Variants in NALF1 observed in about 807,000 individuals in gnomAD.
NALF1 encodes the protein family with sequence similarity 155 member A.
NALF1 carries 3 observed loss-of-function variants against 48.4 expected under a neutral mutation model. The observed-to-expected ratio is 0.06, with a 90% CI of 0.03 to 0.16. NALF1 has a LOEUF of 0.16. NALF1 is among the 10% of genes least tolerant of loss of function. The probability of loss-of-function intolerance (pLI) is 1.00; values close to 1 mark genes in which losing one functional copy is unlikely to be tolerated. For missense variants in NALF1, 526 were observed against 571.5 expected (o/e 0.92, Z 0.81); for synonymous variants, 262 against 245.7 (o/e 1.07, Z -0.62).
chr13:107,486,713 T>C (rs1454846123), intron 1 of NALF1, among the ~76,000 whole-genome samples: 1 of 152,176 alleles, frequency 6.6e-6, no homozygotes, highest in Non-Finnish European at 1.5e-5. Context: ...CAATCTCATT[T>C]TTCCTGAGAA....
At chr13:107,595,252 T>C (rs1270093902) in intron 1 of NALF1, among the ~76,000 whole-genome samples, 2 of 152,144 alleles carry the variant, frequency 1.3e-5, no homozygotes, top group Non-Finnish European at 2.9e-5. Flanking sequence ...TCTAATTAAT[T>C]GGAGTCTATC....
chr13:107,258,856 A>G (rs1229432487), intron 1 of NALF1, among the ~76,000 whole-genome samples: 1 of 148,982 alleles, frequency 6.7e-6, no homozygotes, highest in Non-Finnish European at 1.5e-5. Flanking sequence ...GGATGTTTAG[A>G]TGGCACAGAC....
intron 1 of NALF1, among the ~76,000 whole-genome samples, chr13:107,296,139 A>G (rs1308172420): frequency 6.6e-6 from 1 of 152,258 alleles, no homozygotes; most frequent in African/African-American, 2.4e-5. Context: ...AATGAAAAAT[A>G]TAGAAAAATT....
Position 107,166,125 on chromosome 13 carries a change from A to C in NALF1, c.*4372T>G, listed in dbSNP as rs1463394832. On this transcript the variant is annotated 3_prime_UTR_variant, in exon 3 of 3. Transcript: ENST00000375915. Reference sequence around the variant, plus strand: ...TCATATATGCATATGCACACTTATGAAATTAAATACCTGGCTGGGTGTGGT... The same window carrying C: ...TCATATATGCATATGCACACTTATGCAATTAAATACCTGGCTGGGTGTGGT... 1 of 152,106 alleles carries C rather than the reference A, an allele frequency of 6.6e-6. No individual in the cohort carries two copies. The highest frequency in any genetic ancestry group is 1.5e-5 in the Non-Finnish European group (1 of 68,032). 9.4% of individuals were successfully genotyped at this position (152,106 alleles called of 1,614,324 possible).
chr13:107,537,815 C>G lies in NALF1; in HGVS notation c.916-327060G>C, dbSNP rs145504373. On this transcript the variant is annotated intron_variant, in intron 1 of 2. Transcript: ENST00000375915. ...GGTAGATCACTTGAGGTCAGGAGTT[C>G]AAGACCAGCCTGGCCAACATGGTGA... Among the ~76,000 whole-genome samples, 892 of 152,124 alleles carry G rather than the reference C, an allele frequency of 5.9e-3. 10 individuals carry two copies. Among genetic ancestry groups the G allele is most frequent in the African/African-American group, 0.021 (851 of 41,498 alleles).
At chr13:107,794,306 T>C (rs1310837248) in intron 1 of NALF1, among the ~76,000 whole-genome samples, 1 of 152,148 alleles carries the variant, frequency 6.6e-6, no homozygotes. Flanking sequence ...TAAACCAGGG[T>C]TATTTTCCTG....
intron 1 of NALF1, among the ~76,000 whole-genome samples, chr13:107,429,458 C>T (rs1008262433): frequency 6.6e-6 from 1 of 151,778 alleles, no homozygotes; most frequent in Non-Finnish European, 1.5e-5. Flanking sequence ...GGAAAGGACA[C>T]CTATCCCTGC....
intron 1 of NALF1, among the ~76,000 whole-genome samples, chr13:107,508,409 A>C (rs1186632953): frequency 6.6e-6 from 1 of 151,356 alleles, no homozygotes; most frequent in Non-Finnish European, 1.5e-5. Flanking sequence ...ATATAACAGT[A>C]ATATATAATC....
intron 1 of NALF1, among the ~76,000 whole-genome samples, chr13:107,783,776 T>C (rs1362585800): frequency 6.6e-6 from 1 of 151,500 alleles, no homozygotes; most frequent in Non-Finnish European, 1.5e-5. Flanking sequence ...CTTTGTTCAC[T>C]TGTTTATCTG....
intron 1 of NALF1, among the ~76,000 whole-genome samples, chr13:107,211,037 A>G (rs1396251016): frequency 6.6e-6 from 1 of 152,242 alleles, no homozygotes; most frequent in African/African-American, 2.4e-5. Flanking sequence ...CAGTGGATTT[A>G]AGCAGGAAGT....
intron 1 of NALF1, among the ~76,000 whole-genome samples, chr13:107,686,081 G>A (rs890606988): frequency 2.0e-5 from 3 of 152,236 alleles, no homozygotes; most frequent in African/African-American, 4.8e-5. Context: ...GGAGGACGGC[G>A]GGGGCCGGGG....
chr13:107,450,276 G>A (rs1164679105), intron 1 of NALF1, among the ~76,000 whole-genome samples: 6 of 152,118 alleles, frequency 3.9e-5, no homozygotes, highest in African/African-American at 1.2e-4. Context: ...AGATAGAAAA[G>A]GAGTCACCAA....
At chr13:107,236,134 T>A (rs1566459939) in intron 1 of NALF1, among the ~76,000 whole-genome samples, 1 of 152,268 alleles carries the variant, frequency 6.6e-6, no homozygotes, top group East Asian at 1.9e-4. Flanking sequence ...TAGGAAAGGC[T>A]GGCGTAGGCA....
chr13:107,219,706 T>C (rs1026387845), intron 1 of NALF1, among the ~76,000 whole-genome samples: 1 of 152,180 alleles, frequency 6.6e-6, no homozygotes, highest in Non-Finnish European at 1.5e-5. Context: ...AGAGCTATAA[T>C]AAGTAATCAG....
chr13:107,428,504 A>G (rs1244406391), intron 1 of NALF1, among the ~76,000 whole-genome samples: 1 of 152,178 alleles, frequency 6.6e-6, no homozygotes, highest in Non-Finnish European at 1.5e-5. Context: ...TGACTGTATT[A>G]TTTGTAGGTT....
At chr13:107,808,192 G>A (rs1223866324) in intron 1 of NALF1, among the ~76,000 whole-genome samples, 1 of 152,042 alleles carries the variant, frequency 6.6e-6, no homozygotes, top group Non-Finnish European at 1.5e-5. Context: ...GGTTGCAGTA[G>A]CCTTTGTGGG....
intron 1 of NALF1, among the ~76,000 whole-genome samples, chr13:107,534,048 C>T (rs761808366): frequency 2.0e-5 from 3 of 151,942 alleles, no homozygotes; most frequent in South Asian, 2.1e-4. Context: ...AGAAATGGAA[C>T]GTGAGAGGGA....
At chr13:107,176,328 T>G (rs926945778) in intron 2 of NALF1, among the ~76,000 whole-genome samples, 2 of 150,638 alleles carry the variant, frequency 1.3e-5, no homozygotes, top group Admixed American at 6.6e-5. Flanking sequence ...TTTTTTTTTT[T>G]TTTTTTTTTT....
At chr13:107,722,599 CCTT>C (rs1306792815) in intron 1 of NALF1, among the ~76,000 whole-genome samples, 1 of 152,144 alleles carries the variant, frequency 6.6e-6, no homozygotes, top group Non-Finnish European at 1.5e-5. Context: ...CTACCACGCT[CCTT>C]CTGAAAACGG....
Sources: allele counts gnomAD v4.1 joint callset (sites outside exome capture counted in the v4.1 genomes callset), GRCh38; gene constraint gnomAD v4.1.1; transcripts MANE v1.5; gene names NCBI Gene and HGNC (gene_info 2026-07-23, HGNC 2026-07-21).